The following SEMA6A variants were observed in gnomAD, a reference collection of about 807,000 sequenced individuals.
SEMA6A encodes the protein semaphorin-6A.
A neutral mutation model predicts 96.8 loss-of-function variants in SEMA6A; 25 were observed. The observed-to-expected ratio is 0.26, with a 90% CI of 0.19 to 0.36. The LOEUF (loss-of-function observed/expected upper bound fraction) is 0.36, where lower values mean the gene tolerates loss of function less well. SEMA6A is among the 10% of genes least tolerant of loss of function. SEMA6A has a pLI of 1.00. For synonymous variants in SEMA6A, 612 were observed against 518.0 expected (o/e 1.18, Z -2.46); for missense variants, 1,363 against 1,323.1 (o/e 1.03, Z -0.47).
At chr5:116,562,952 T>TC (rs973606550) in intron 1 of SEMA6A, 11 of 561,410 alleles carry the variant, frequency 2.0e-5, no homozygotes, top group East Asian at 4.2e-5. Context: ...ATAGAGGACG[T>TC]CCCCCCCATC....
chr5:116,473,176 A>G, intron 16 of SEMA6A, 83 bp from the exon 17 acceptor site: 1 of 1,362,122 alleles, frequency 7.3e-7, no homozygotes, highest in Non-Finnish European at 1.0e-6. Context: ...ATGAGCTAAC[A>G]CAGAACTATG....
intron 1 of SEMA6A, among the ~76,000 whole-genome samples, chr5:116,542,836 C>A (rs1231797672): frequency 6.6e-6 from 1 of 152,156 alleles, no homozygotes; most frequent in Non-Finnish European, 1.5e-5. Context: ...CAGGACTATT[C>A]TGTTTGCTTC....
At chr5:116,476,443 C>G (rs1374775670) in intron 15 of SEMA6A, among the ~76,000 whole-genome samples, 2 of 152,128 alleles carry the variant, frequency 1.3e-5, no homozygotes, top group Non-Finnish European at 2.9e-5. Flanking sequence ...ATCTAATAAT[C>G]CACCGTGTTT....
At chr5:116,490,447 G>T (rs1035791348) in intron 7 of SEMA6A, among the ~76,000 whole-genome samples, 4 of 152,094 alleles carry the variant, frequency 2.6e-5, no homozygotes, top group Non-Finnish European at 5.9e-5. Context: ...ATTCTCCAAG[G>T]CCCCAACTAA....
chr5:116,455,130 A>C (rs142407973), intron 18 of SEMA6A, among the ~76,000 whole-genome samples: 26 of 152,164 alleles, frequency 1.7e-4, no homozygotes, highest in African/African-American at 6.3e-4. Flanking sequence ...ATTCTATTTC[A>C]TTTTTTTAGA....
intron 3 of SEMA6A, 108 bp from the exon 4 acceptor site, chr5:116,497,495 C>G (rs745663708): frequency 6.1e-5 from 37 of 602,164 alleles, no homozygotes; most frequent in Non-Finnish European, 9.5e-5. Flanking sequence ...TATCCATGTT[C>G]ATGATATCCA....
intron 1 of SEMA6A, among the ~76,000 whole-genome samples, chr5:116,515,669 T>C (rs977155042): frequency 1.3e-5 from 2 of 152,202 alleles, no homozygotes; most frequent in Admixed American, 1.3e-4. Flanking sequence ...CGACTCTCCC[T>C]AATAATTTCT....
chr5:116,491,899 T>C, intron 6 of SEMA6A, 69 bp from the exon 7 acceptor site: 4 of 1,300,704 alleles, frequency 3.1e-6, no homozygotes, highest in South Asian at 1.2e-5. Context: ...TCAGAAATAA[T>C]TTCCAGGATG....
At chr5:116,572,411 C>CA (rs1378811580) in intron 1 of SEMA6A, among the ~76,000 whole-genome samples, 15 of 152,218 alleles carry the variant, frequency 9.9e-5, no homozygotes, top group African/African-American at 3.6e-4. Context: ...CTCCCCAGTG[C>CA]GATACAGGCC....
chr5:116,448,917 G>C (rs550877402), intron 18 of SEMA6A, among the ~76,000 whole-genome samples: 1 of 152,288 alleles, frequency 6.6e-6, no homozygotes, highest in South Asian at 2.1e-4. Context: ...ATTGCACCTA[G>C]AGTTTGCTGT....
intron 11 of SEMA6A, 142 bp from the exon 12 acceptor site, chr5:116,480,419 T>A (rs1179735561): frequency 3.1e-6 from 3 of 976,456 alleles, no homozygotes; most frequent in Non-Finnish European, 4.6e-6. Context: ...CAATGCAGAA[T>A]GCCACCAAGC....
At position 116,524,215 on chromosome 5, in the gene SEMA6A, A is replaced by C. The variant is rs116761407; in HGVS notation, c.-38-19233T>G. Reference sequence around the variant, plus strand: ...ATCCCACCCAGATGCTGTGGAGAAGAAGCCATGTGAATACTGCACGAGGAA... The same window carrying C: ...ATCCCACCCAGATGCTGTGGAGAAGCAGCCATGTGAATACTGCACGAGGAA... On this transcript the variant is annotated intron_variant, in intron 1 of 18. Coordinates refer to ENST00000343348, the MANE Select transcript of SEMA6A (RefSeq NM_020796.5). Among the ~76,000 whole-genome samples the C allele has an allele frequency of 6.7e-3, 1,024 of 152,314 alleles. 8 individuals are homozygous for C. The highest frequency in any genetic ancestry group is 0.023 in the African/African-American group (960 of 41,572).
chr5:116,574,176 G>C lies in SEMA6A; in HGVS notation c.-39+9C>G, dbSNP rs577641638. On this transcript the variant is annotated intron_variant, in intron 1 of 18. Transcript: ENST00000343348. The stretch of plus-strand genomic sequence containing the variant: ...GGAGGTGGGGCGCGCCCGGGCGCCC[G>C]GGGCGTACCTTTTCGGTGCATCGAC... 4 of 152,474 alleles carry C rather than the reference G, an allele frequency of 2.6e-5. No individual in the cohort carries two copies. In the East Asian group the frequency reaches 5.9e-4, roughly 22 times the overall value. 9.4% of individuals were successfully genotyped at this position (152,474 alleles called of 1,614,324 possible).
At chr5:116,491,295 C>T (rs1387356859) in intron 7 of SEMA6A, among the ~76,000 whole-genome samples, 4 of 152,158 alleles carry the variant, frequency 2.6e-5, no homozygotes, top group East Asian at 3.9e-4. Context: ...ATCATGAGGT[C>T]GACATAGAGC....
intron 1 of SEMA6A, among the ~76,000 whole-genome samples, chr5:116,513,601 CTT>C (rs138397170): frequency 4.4e-4 from 58 of 133,154 alleles, no homozygotes; most frequent in African/African-American, 8.7e-4. Flanking sequence ...TCTTGATTTT[CTT>C]TTTTTTTTTT....
chr5:116,449,295 G>A, intron 18 of SEMA6A: 1 of 702,062 alleles, frequency 1.4e-6, no homozygotes, highest in South Asian at 1.5e-5. Flanking sequence ...TTATGGAAAT[G>A]ATAGCAAGAC....
rs1047015208 is a variant in SEMA6A at position 116,445,342 on chromosome 5, T to C, written c.*1271A>G. Reference sequence around the variant, plus strand: ...ATGTGGAAAACAGGCTATTCACAGATGTAACCCCACGAAGAACCCGTGTGA... The same window carrying C: ...ATGTGGAAAACAGGCTATTCACAGACGTAACCCCACGAAGAACCCGTGTGA... On this transcript the variant is annotated 3_prime_UTR_variant, in exon 19 of 19. Coordinates refer to ENST00000343348, the MANE Select transcript of SEMA6A (RefSeq NM_020796.5). 1 of 152,650 alleles carries C rather than the reference T, an allele frequency of 6.6e-6. No homozygotes were observed. The highest frequency in any genetic ancestry group is 2.4e-5 in the African/African-American group (1 of 41,454). The allele number at this position is 152,650 out of a possible 1,614,324, so 9.5% of individuals were successfully genotyped here.
At chr5:116,507,831 G>C (rs1005303490) in intron 1 of SEMA6A, among the ~76,000 whole-genome samples, 1 of 152,176 alleles carries the variant, frequency 6.6e-6, no homozygotes, top group African/African-American at 2.4e-5. Flanking sequence ...TCCTTAGCCT[G>C]AAGTGAAATG....
intron 1 of SEMA6A, among the ~76,000 whole-genome samples, chr5:116,524,722 T>C (rs894691664): frequency 5.3e-5 from 7 of 133,076 alleles, no homozygotes; most frequent in African/African-American, 2.6e-5. Flanking sequence ...TTTATTTTCA[T>C]AGGTTCCTAA....
Sources: allele counts gnomAD v4.1 joint callset (sites outside exome capture counted in the v4.1 genomes callset), GRCh38; gene constraint gnomAD v4.1.1; transcripts MANE v1.5; gene names NCBI Gene and HGNC (gene_info 2026-07-23, HGNC 2026-07-21).